EML6: variants seen among roughly 807,000 people sequenced by gnomAD.
EML6 encodes EMAP like 6.
In EML6, 154 loss-of-function variants were observed where a neutral mutation model predicts 240.1. That is an observed-to-expected ratio of 0.64 (90% CI 0.56 to 0.73). EML6 has a LOEUF of 0.73. EML6 is among the 30% of genes least tolerant of loss of function. The pLI is 0.00. For missense variants in EML6, 2,964 were observed against 2,474.6 expected (o/e 1.20, Z -4.20); for synonymous variants, 1,148 against 899.0 (o/e 1.28, Z -4.95).
chr2:54,798,216 A>G (rs576652116), intron 2 of EML6, among the ~76,000 whole-genome samples: 1 of 152,316 alleles, frequency 6.6e-6, no homozygotes, highest in African/African-American at 2.4e-5. Flanking sequence ...CCTGTTGCCC[A>G]GGCTGGAGTG....
intron 28 of EML6, among the ~76,000 whole-genome samples, chr2:54,928,999 T>C (rs929924801): frequency 4.0e-5 from 6 of 148,786 alleles, no homozygotes; most frequent in Non-Finnish European, 7.4e-5. Context: ...ACATGAAATT[T>C]AGTTGGACTA....
rs1481758537 is a variant in EML6 at position 54,948,919 on chromosome 2, C to T, written c.4042C>T (p.Leu1348=). Residue 1348 remains leucine (L), a synonymous_variant, in exon 29 of 42, where the codon CTG becomes TTG. Transcript: ENST00000356458. ...VSRAAPQPEK[L]QKNNITKKKK... ...CCGAGCAGCTCCCCAGCCTGAGAAACTGCAGAAGAACAATATCACCAAAAA... is the reference window on the plus strand; with the variant it reads ...CCGAGCAGCTCCCCAGCCTGAGAAATTGCAGAAGAACAATATCACCAAAAA... 1.9e-6 allele frequency: 3 copies of T among 1,551,498 alleles called. No homozygotes were observed. The highest frequency in any genetic ancestry group is 2.4e-5 in the South Asian group (2 of 84,064).
chr2:54,902,919 T>C, intron 22 of EML6, 125 bp from the exon 23 acceptor site: 1 of 810,454 alleles, frequency 1.2e-6, no homozygotes, highest in South Asian at 1.9e-5. Flanking sequence ...ACAAGTGTAG[T>C]GTCAATTTAA....
At chr2:54,869,561 C>T (rs1007415174) in intron 15 of EML6, among the ~76,000 whole-genome samples, 194 bp downstream of exon 15, 2 of 152,144 alleles carry the variant, frequency 1.3e-5, no homozygotes, top group Non-Finnish European at 2.9e-5. Flanking sequence ...TGGGAGACCT[C>T]TGAGGAGTTC....
intron 5 of EML6, 115 bp downstream of exon 5, chr2:54,820,577 A>G (rs1668286312): frequency 3.2e-6 from 2 of 623,746 alleles, no homozygotes; most frequent in Admixed American, 3.3e-5. Flanking sequence ...TCTTCAATAT[A>G]GAGCCCTCTT....
At position 54,790,874 on chromosome 2, in the gene EML6, T is replaced by C. The variant is rs573237487; in HGVS notation, c.198-22358T>C. On this transcript the variant is annotated intron_variant, in intron 2 of 41. Transcript: ENST00000356458. ...CCGAGTAGCTGGGACTACAGGCGCC[T>C]GCCACCGCGCCCAGCTAATTTTTTG... Among the ~76,000 whole-genome samples, 74 of 151,946 alleles carry C rather than the reference T, an allele frequency of 4.9e-4. 1 individual carries two copies. The highest frequency in any genetic ancestry group is 2.9e-3 in the East Asian group (15 of 5,146).
intron 2 of EML6, among the ~76,000 whole-genome samples, chr2:54,796,729 G>A (rs548582250): frequency 7.2e-5 from 11 of 152,072 alleles, no homozygotes; most frequent in Admixed American, 3.3e-4. Flanking sequence ...TCTACAAAGC[G>A]CCTACTTGGG....
In EML6 at chr2:54,867,308, A is replaced by C. The variant is rs147768916; in HGVS notation, c.2051+424A>C. The C allele has an allele frequency of 8.7e-3, 1,343 of 154,236 alleles. 20 individuals carry two copies. The highest frequency in any genetic ancestry group is 0.013 in the Middle Eastern group (4 of 304). The allele number at this position is 154,236 out of a possible 1,614,324, so 9.6% of individuals were successfully genotyped here. ...GCCCAACATAATTTTGAATTTTGTAAAATTATATGCACCCTTGCATATTTT... is the reference window on the plus strand; with the variant it reads ...GCCCAACATAATTTTGAATTTTGTACAATTATATGCACCCTTGCATATTTT... On this transcript the variant is annotated intron_variant, in intron 14 of 41. Coordinates refer to ENST00000356458, the MANE Select transcript of EML6 (RefSeq NM_001039753.4).
rs573808355 is a variant in EML6, at chr2:54,966,698, A to G, written c.5494-302A>G. On this transcript the variant is annotated intron_variant, in intron 38 of 41. Coordinates refer to ENST00000356458, the MANE Select transcript of EML6 (RefSeq NM_001039753.4). ...GGTAGGTTTGGGGTGGGGCCCAAAA[A>G]TTTGCATTTCTAACACATTTCTAGA... 5.5e-5 allele frequency: 10 copies of G among 183,246 alleles called. No individual in the cohort carries two copies. In the South Asian group the frequency reaches 1.3e-3, roughly 24 times the overall value. 11.4% of individuals were successfully genotyped at this position (183,246 alleles called of 1,614,324 possible). A position where few individuals can be genotyped will look rare whatever the true frequency, so the allele number is the denominator to read the frequency against.
intron 2 of EML6, among the ~76,000 whole-genome samples, chr2:54,752,271 A>G (rs1157708653): frequency 2.0e-5 from 3 of 152,186 alleles, no homozygotes; most frequent in African/African-American, 7.2e-5. Flanking sequence ...TCATAGTTGA[A>G]CCCCAAATAT....
chr2:54,821,487 C>T (rs753315999), intron 5 of EML6, among the ~76,000 whole-genome samples: 5 of 152,096 alleles, frequency 3.3e-5, no homozygotes, highest in African/African-American at 4.8e-5. Context: ...GGTAGAAATG[C>T]AGTTAAAATC....
intron 7 of EML6, among the ~76,000 whole-genome samples, chr2:54,831,581 A>G (rs908352348): frequency 6.6e-6 from 1 of 152,184 alleles, no homozygotes; most frequent in Non-Finnish European, 1.5e-5. Flanking sequence ...TGGCTGGTAC[A>G]CGGTGGACAC....
intron 19 of EML6, among the ~76,000 whole-genome samples, chr2:54,894,009 A>T (rs1672622400): frequency 6.6e-6 from 1 of 152,194 alleles, no homozygotes; most frequent in Non-Finnish European, 1.5e-5. Context: ...ATGAGAAAAG[A>T]CAAGGATATC....
At chr2:54,799,414 C>G (rs939008737) in intron 2 of EML6, among the ~76,000 whole-genome samples, 2 of 151,728 alleles carry the variant, frequency 1.3e-5, no homozygotes, top group African/African-American at 4.8e-5. Flanking sequence ...GGCGCGATCT[C>G]CGTTCACTGC....
chr2:54,905,279 T>G (rs1415554487), intron 24 of EML6, among the ~76,000 whole-genome samples: 1 of 150,418 alleles, frequency 6.6e-6, no homozygotes, highest in Non-Finnish European at 1.5e-5. Context: ...TGCTATTCTC[T>G]TGCCAGGTAG....
At position 54,917,110 on chromosome 2, in the gene EML6, A is replaced by G. The variant is rs532777761; in HGVS notation, c.3675+175A>G. On this transcript the variant is annotated intron_variant, in intron 26 of 41. Coordinates refer to ENST00000356458, the MANE Select transcript of EML6 (RefSeq NM_001039753.4). ...TGTTTGAGTGACTAATTTCAGTGCA[A>G]TTCTCATGGCATAGAATTCTACCTT... Among the ~76,000 whole-genome samples the G allele has an allele frequency of 3.3e-5, 5 of 152,302 alleles. No individual in the cohort carries two copies. In the South Asian group the frequency reaches 1.0e-3, roughly 32 times the overall value.
chr2:54,942,430 G>C (rs1001512523), intron 28 of EML6, among the ~76,000 whole-genome samples: 6 of 152,210 alleles, frequency 3.9e-5, no homozygotes, highest in African/African-American at 1.4e-4. Flanking sequence ...ACATCTCACA[G>C]ATTCTCCATC....
At chr2:54,961,527 A>G (rs1468851924) in intron 35 of EML6, among the ~76,000 whole-genome samples, 1 of 151,888 alleles carries the variant, frequency 6.6e-6, no homozygotes, top group East Asian at 2.0e-4. Flanking sequence ...GAACTTACTA[A>G]GAGCTTGAGC....
intron 7 of EML6, among the ~76,000 whole-genome samples, chr2:54,833,891 G>A (rs902964434): frequency 2.0e-5 from 3 of 152,012 alleles, no homozygotes; most frequent in African/African-American, 7.3e-5. Flanking sequence ...TAACTAATTC[G>A]GCAGCAAAAC....
Sources: gnomAD v4.1 joint callset for allele counts (sites outside exome capture counted in the v4.1 genomes callset) on GRCh38, gnomAD v4.1.1 for gene constraint, MANE v1.5 for transcripts, NCBI Gene and HGNC (gene_info 2026-07-23, HGNC 2026-07-21) for gene names.